The following TENM3 variants were observed in gnomAD, a reference collection of about 807,000 sequenced individuals.
The protein encoded by TENM3 is teneurin-3.
TENM3 carries 63 observed loss-of-function variants against 255.1 expected under a neutral mutation model. The observed-to-expected ratio is 0.25, with a 90% CI of 0.20 to 0.30. The LOEUF (loss-of-function observed/expected upper bound fraction) is 0.30, where lower values mean the gene tolerates loss of function less well. TENM3 is among the 10% of genes least tolerant of loss of function. TENM3 has a pLI of 1.00. For missense variants in TENM3, 2,929 were observed against 3,461.1 expected (o/e 0.85, Z 3.86); for synonymous variants, 1,306 against 1,322.3 (o/e 0.99, Z 0.27).
At chr4:182,441,426 T>C (rs904887024) in intron 3 of TENM3, among the ~76,000 whole-genome samples, 3 of 152,250 alleles carry the variant, frequency 2.0e-5, no homozygotes, top group African/African-American at 7.2e-5. Context: ...TTTTTTAAAA[T>C]CTGGATTCTT....
the TENM3 span, among the ~76,000 whole-genome samples, chr4:181,874,940 G>T: frequency 1.3e-5 from 2 of 152,150 alleles, no homozygotes; most frequent in African/African-American, 2.4e-5. Flanking sequence ...ACTGCCTGTT[G>T]TTCATTGCCT....
the TENM3 span, among the ~76,000 whole-genome samples, chr4:181,962,900 C>A: frequency 6.6e-6 from 1 of 152,200 alleles, no homozygotes; most frequent in Admixed American, 6.5e-5. Context: ...AAAAACAAAT[C>A]TACATCTATC....
the TENM3 span, among the ~76,000 whole-genome samples, chr4:181,917,869 T>C: frequency 2.6e-5 from 4 of 151,530 alleles, no homozygotes; most frequent in African/African-American, 4.8e-5. Context: ...ACCATGTTGG[T>C]CAGGCTGGTC....
the TENM3 span, among the ~76,000 whole-genome samples, chr4:181,964,954 T>G: frequency 6.6e-6 from 1 of 152,278 alleles, no homozygotes; most frequent in South Asian, 2.1e-4. Context: ...GGGCATTTTC[T>G]TGACAATCTA....
At chr4:181,501,703 G>A in the TENM3 span, among the ~76,000 whole-genome samples, 1 of 152,082 alleles carries the variant, frequency 6.6e-6, no homozygotes, top group Non-Finnish European at 1.5e-5. Context: ...CTATGCACAG[G>A]ACCAGTCATG....
intron 3 of TENM3, among the ~76,000 whole-genome samples, chr4:182,509,606 GA>G (rs1737175213): frequency 6.6e-6 from 1 of 152,072 alleles, no homozygotes. Context: ...CCGTGTCTAA[GA>G]ACAAGAAGGA....
intron 6 of TENM3, among the ~76,000 whole-genome samples, chr4:182,658,438 C>A (rs1001599153): frequency 3.9e-5 from 6 of 152,306 alleles, no homozygotes; most frequent in East Asian, 1.9e-4. Flanking sequence ...ACTCTCAAAT[C>A]AGTAAGTCCA....
At chr4:181,502,846 G>A in the TENM3 span, among the ~76,000 whole-genome samples, 6 of 152,224 alleles carry the variant, frequency 3.9e-5, no homozygotes, top group South Asian at 4.1e-4. Flanking sequence ...GTGTGCTGCC[G>A]ACAATAAAGG....
At chr4:181,598,835 A>G in the TENM3 span, among the ~76,000 whole-genome samples, 1 of 152,204 alleles carries the variant, frequency 6.6e-6, no homozygotes, top group South Asian at 2.1e-4. Flanking sequence ...TTTTTCAAGT[A>G]TTATGAAAAT....
At chr4:181,766,591 G>T in the TENM3 span, among the ~76,000 whole-genome samples, 1 of 151,984 alleles carries the variant, frequency 6.6e-6, no homozygotes, top group Non-Finnish European at 1.5e-5. Context: ...GGAGTTAAAT[G>T]GAAATATGTG....
intron 3 of TENM3, among the ~76,000 whole-genome samples, chr4:182,347,990 A>T (rs781188647): frequency 8.5e-5 from 13 of 152,204 alleles, no homozygotes; most frequent in Admixed American, 5.9e-4. Context: ...AGGAAAGCGG[A>T]TCTATTGTTA....
chr4:182,305,875 C>G (rs1351074105), intron 1 of TENM3, among the ~76,000 whole-genome samples: 4 of 152,168 alleles, frequency 2.6e-5, no homozygotes, highest in Non-Finnish European at 5.9e-5. Flanking sequence ...TTCTTACGTT[C>G]TTTAGTAATG....
the TENM3 span, among the ~76,000 whole-genome samples, chr4:181,840,216 A>C: frequency 6.6e-6 from 1 of 152,024 alleles, no homozygotes; most frequent in South Asian, 2.1e-4. Flanking sequence ...TCTTTATTAC[A>C]CATTTATATT....
the TENM3 span, among the ~76,000 whole-genome samples, chr4:182,011,139 T>C: frequency 6.6e-6 from 1 of 152,240 alleles, no homozygotes; most frequent in Non-Finnish European, 1.5e-5. Context: ...CCTGACCTTT[T>C]CTTGGAAGTC....
the TENM3 span, among the ~76,000 whole-genome samples, chr4:181,702,923 T>A: frequency 3.3e-5 from 5 of 152,068 alleles, no homozygotes; most frequent in Non-Finnish European, 1.5e-5. Flanking sequence ...CTGGCCAGTA[T>A]GAAAAAAAAG....
chr4:181,684,944 T>TTTTTA, the TENM3 span, among the ~76,000 whole-genome samples: 1 of 101,552 alleles, frequency 9.8e-6, no homozygotes, highest in Non-Finnish European at 2.1e-5. Flanking sequence ...TTTTTTTTTT[T>TTTTTA]AAGTAGAAAC....
intron 1 of TENM3, among the ~76,000 whole-genome samples, chr4:182,219,937 C>A (rs1010774825): frequency 6.6e-6 from 1 of 152,114 alleles, no homozygotes; most frequent in Non-Finnish European, 1.5e-5. Context: ...ATTTAATATG[C>A]CTCTGTATGT....
the TENM3 span, among the ~76,000 whole-genome samples, chr4:181,639,342 G>C: frequency 6.6e-6 from 1 of 152,192 alleles, no homozygotes; most frequent in Non-Finnish European, 1.5e-5. Flanking sequence ...ACCCTAGTTA[G>C]TTATACAAAT....
At chr4:181,478,628 A>T in the TENM3 span, among the ~76,000 whole-genome samples, 1 of 152,216 alleles carries the variant, frequency 6.6e-6, no homozygotes, top group Non-Finnish European at 1.5e-5. Context: ...CAAGGAATTT[A>T]TTAATTCTTT....
Sources: gnomAD v4.1 joint callset for allele counts (sites outside exome capture counted in the v4.1 genomes callset) on GRCh38, gnomAD v4.1.1 for gene constraint, MANE v1.5 for transcripts, NCBI Gene and HGNC (gene_info 2026-07-23, HGNC 2026-07-21) for gene names.